Variants in RASGEF1B observed in about 807,000 individuals in gnomAD.
RASGEF1B encodes the protein ras-GEF domain-containing family member 1B.
Under a neutral mutation model 65.7 loss-of-function variants are expected in RASGEF1B, and 30 were observed. That is an observed-to-expected ratio of 0.46 (90% CI 0.34 to 0.62). The LOEUF is 0.62. Ranked by LOEUF, RASGEF1B falls within the 20% of genes least tolerant of loss-of-function variation. The pLI is 0.01. For missense variants in RASGEF1B, 495 were observed against 580.1 expected (o/e 0.85, Z 1.51); for synonymous variants, 175 against 194.8 (o/e 0.90, Z 0.85).
intron 5 of RASGEF1B, 72 bp from the exon 6 acceptor site, chr4:81,447,650 G>T: frequency 1.8e-6 from 2 of 1,105,064 alleles, no homozygotes; most frequent in South Asian, 1.3e-5. Flanking sequence ...CTCCCTCTAT[G>T]ACTATTGGCA....
intron 1 of RASGEF1B, among the ~76,000 whole-genome samples, chr4:81,469,178 A>T (rs1722942505): frequency 6.6e-6 from 1 of 152,186 alleles, no homozygotes; most frequent in African/African-American, 2.4e-5. Flanking sequence ...TAACAGTGCA[A>T]TTGGCCTCTT....
At chr4:81,429,249 G>A (rs1313740499) in intron 13 of RASGEF1B, among the ~76,000 whole-genome samples, 4 of 152,214 alleles carry the variant, frequency 2.6e-5, no homozygotes, top group African/African-American at 4.8e-5. Flanking sequence ...TTGGAGCTGG[G>A]CCATGAGAAC....
intron 13 of RASGEF1B, among the ~76,000 whole-genome samples, chr4:81,431,126 CTCA>C (rs1245799338): frequency 6.6e-6 from 1 of 152,066 alleles, no homozygotes; most frequent in African/African-American, 2.4e-5. Flanking sequence ...CACTCTGAGG[CTCA>C]TGTTTTGCAC....
chr4:81,466,237 TCTTC>T (rs1000636689), intron 1 of RASGEF1B, among the ~76,000 whole-genome samples: 1 of 152,178 alleles, frequency 6.6e-6, no homozygotes, highest in African/African-American at 2.4e-5. Context: ...ACAACTTGTT[TCTTC>T]CTTTTCTCCC....
intron 4 of RASGEF1B, chr4:81,454,147 G>A (rs1446703004): frequency 1.3e-5 from 2 of 152,138 alleles, no homozygotes; most frequent in Non-Finnish European, 2.9e-5. Flanking sequence ...GGGTCACAAG[G>A]CTGTTTGGCC....
intron 4 of RASGEF1B, among the ~76,000 whole-genome samples, chr4:81,450,185 T>C (rs1722204207): frequency 6.6e-6 from 1 of 152,182 alleles, no homozygotes; most frequent in Non-Finnish European, 1.5e-5. Context: ...CTCATTCCTA[T>C]TTCCCCCTCC....
chr4:81,438,880 T>A (rs947076534), intron 10 of RASGEF1B, among the ~76,000 whole-genome samples: 2 of 152,212 alleles, frequency 1.3e-5, no homozygotes, highest in Admixed American at 6.5e-5. Flanking sequence ...GCTTCATCTA[T>A]GTCCCCACAA....
At chr4:81,443,085 A>C (rs1053865363) in intron 8 of RASGEF1B, among the ~76,000 whole-genome samples, 9 of 152,220 alleles carry the variant, frequency 5.9e-5, no homozygotes, top group Non-Finnish European at 1.3e-4. Context: ...ACATGGAGCT[A>C]ACACCATAAC....
At chr4:81,434,772 C>A (rs1335469340) in intron 10 of RASGEF1B, 38 bp from the exon 11 acceptor site, 1 of 1,020,252 alleles carries the variant, frequency 9.8e-7, no homozygotes. Flanking sequence ...TCTGGGCAAA[C>A]AAATATTTAG....
At chr4:81,460,935 G>A (rs1055645096) in intron 1 of RASGEF1B, among the ~76,000 whole-genome samples, 4 of 152,144 alleles carry the variant, frequency 2.6e-5, no homozygotes, top group Non-Finnish European at 4.4e-5. Context: ...CACTACTAGG[G>A]TCACTGGCCC....
At chr4:81,456,268 G>C (rs1438302786) in intron 4 of RASGEF1B, 1 of 543,900 alleles carries the variant, frequency 1.8e-6, no homozygotes, top group African/African-American at 1.9e-5. Context: ...ATAGAATAAT[G>C]TTATTTACTT....
intron 9 of RASGEF1B, among the ~76,000 whole-genome samples, 188 bp from the exon 10 acceptor site, chr4:81,441,117 T>C (rs1031153276): frequency 1.3e-5 from 2 of 152,200 alleles, no homozygotes; most frequent in African/African-American, 4.8e-5. Flanking sequence ...TGAGATTTGG[T>C]GTAATTATGC....
intron 13 of RASGEF1B, among the ~76,000 whole-genome samples, chr4:81,429,783 G>A (rs1332911974): frequency 3.3e-5 from 5 of 152,186 alleles, no homozygotes; most frequent in South Asian, 2.1e-4. Context: ...GGGATGAGGC[G>A]GAGTTTGGCA....
intron 11 of RASGEF1B, among the ~76,000 whole-genome samples, chr4:81,434,180 C>T (rs1578611733): frequency 6.6e-6 from 1 of 151,994 alleles, no homozygotes; most frequent in African/African-American, 2.4e-5. Flanking sequence ...CTCCCTGCTA[C>T]TAGCAGGGAC....
intron 1 of RASGEF1B, among the ~76,000 whole-genome samples, chr4:81,469,603 TTA>T (rs558161061): frequency 5.9e-4 from 90 of 152,174 alleles, no homozygotes; most frequent in African/African-American, 2.0e-3. Context: ...ATACTTTGAT[TTA>T]GTTATACATA....
At chr4:81,457,726 T>A in intron 2 of RASGEF1B, 105 bp from the exon 3 acceptor site, 1 of 1,307,744 alleles carries the variant, frequency 7.6e-7, no homozygotes, top group South Asian at 1.4e-5. Context: ...CAAGTTCATA[T>A]GCTGCAGTTT....
At chr4:81,430,226 G>A (rs914512860) in intron 13 of RASGEF1B, among the ~76,000 whole-genome samples, 8 of 152,164 alleles carry the variant, frequency 5.3e-5, no homozygotes, top group South Asian at 4.1e-4. Flanking sequence ...GCGTGAACCC[G>A]GGAGGCGGAG....
At chr4:81,439,496 T>C (rs996479803) in intron 10 of RASGEF1B, among the ~76,000 whole-genome samples, 1 of 152,160 alleles carries the variant, frequency 6.6e-6, no homozygotes, top group African/African-American at 2.4e-5. Context: ...TGGCCAACAA[T>C]GCAGCTCCCT....
chr4:81,441,774 T>C (rs1721846605), intron 9 of RASGEF1B, among the ~76,000 whole-genome samples: 1 of 151,818 alleles, frequency 6.6e-6, no homozygotes, highest in African/African-American at 2.4e-5. Flanking sequence ...AACTCCTGGG[T>C]TCAGGTGATC....
Sources: gnomAD v4.1 joint callset for allele counts (sites outside exome capture counted in the v4.1 genomes callset) on GRCh38, gnomAD v4.1.1 for gene constraint, MANE v1.5 for transcripts, NCBI Gene and HGNC (gene_info 2026-07-23, HGNC 2026-07-21) for gene names.